The following NTM variants were observed in gnomAD, a reference collection of about 807,000 sequenced individuals.
NTM encodes the protein IgLON family member 2.
NTM carries 13 observed loss-of-function variants against 42.1 expected under a neutral mutation model. The ratio of observed to expected loss-of-function variants is 0.31; its 90% CI spans 0.20 to 0.49. The LOEUF (loss-of-function observed/expected upper bound fraction) is 0.49, where lower values mean the gene tolerates loss of function less well. Among genes scored for constraint, NTM ranks in the 20% least tolerant of loss-of-function variants. The pLI, the probability that NTM is intolerant of heterozygous loss-of-function variation, is 0.99. For missense variants in NTM, 373 were observed against 452.8 expected (o/e 0.82, Z 1.60); for synonymous variants, 187 against 179.2 (o/e 1.04, Z -0.35).
chr11:131,745,288 A>AT (rs2081673853), intron 1 of NTM, among the ~76,000 whole-genome samples: 1 of 152,216 alleles, frequency 6.6e-6, no homozygotes, highest in African/African-American at 2.4e-5. Flanking sequence ...AGGAGGTGCC[A>AT]TTCAGGGAGG....
chr11:132,212,910 C>A (rs995766515), intron 4 of NTM, among the ~76,000 whole-genome samples: 2 of 151,278 alleles, frequency 1.3e-5, no homozygotes, highest in Non-Finnish European at 2.9e-5. Flanking sequence ...TAAGCCAAAG[C>A]GGTGAAGTTT....
At chr11:132,211,902 T>C (rs1284671860) in intron 3 of NTM, 120 bp from the exon 4 acceptor site, 13 of 851,204 alleles carry the variant, frequency 1.5e-5, no homozygotes, top group Non-Finnish European at 2.2e-5. Context: ...TAATTTCTTA[T>C]CGTTAACTTA....
At chr11:131,810,002 T>C (rs187408713) in intron 1 of NTM, among the ~76,000 whole-genome samples, 1 of 152,336 alleles carries the variant, frequency 6.6e-6, no homozygotes, top group East Asian at 1.9e-4. Context: ...AAATTAAAAC[T>C]CCCTCCAGAT....
chr11:132,029,531 C>A (rs1034386783), intron 2 of NTM, among the ~76,000 whole-genome samples: 5 of 151,976 alleles, frequency 3.3e-5, no homozygotes, highest in African/African-American at 4.8e-5. Flanking sequence ...TCAGCTTTTT[C>A]CTTTTCATGT....
chr11:132,290,821 A>G (rs2139997349), intron 4 of NTM, among the ~76,000 whole-genome samples: 1 of 152,334 alleles, frequency 6.6e-6, no homozygotes, highest in Non-Finnish European at 1.5e-5. Flanking sequence ...CAGAGGTTAC[A>G]GAAGGATTCT....
chr11:131,549,832 C>T (rs1398459925), intron 1 of NTM, among the ~76,000 whole-genome samples: 2 of 152,218 alleles, frequency 1.3e-5, no homozygotes, highest in African/African-American at 4.8e-5. Context: ...AATTCTGCCC[C>T]AAAGATGATT....
intron 1 of NTM, among the ~76,000 whole-genome samples, chr11:131,637,944 T>C (rs1417940764): frequency 6.6e-6 from 1 of 152,200 alleles, no homozygotes; most frequent in African/African-American, 2.4e-5. Flanking sequence ...TCAGTTTCTC[T>C]GTGGACTGAT....
At chr11:131,696,036 A>G (rs958255284) in intron 1 of NTM, among the ~76,000 whole-genome samples, 27 of 152,224 alleles carry the variant, frequency 1.8e-4, no homozygotes, top group Non-Finnish European at 2.9e-5. Context: ...ATTGCAAACA[A>G]CTAGCCTCTC....
intron 2 of NTM, among the ~76,000 whole-genome samples, chr11:132,063,394 C>G (rs2080978348): frequency 6.6e-6 from 1 of 152,170 alleles, no homozygotes; most frequent in African/African-American, 2.4e-5. Flanking sequence ...GTGTGATAAT[C>G]CCACAAAGCT....
chr11:131,510,774 G>T (rs1565582538), intron 1 of NTM, among the ~76,000 whole-genome samples: 2 of 152,160 alleles, frequency 1.3e-5, no homozygotes. Context: ...TGCAGTCAAG[G>T]TTTGTGCCCC....
In NTM at chr11:131,421,732, C is replaced by T. The variant is rs139826521; in HGVS notation, c.82+50844C>T. Among the ~76,000 whole-genome samples the T allele has an allele frequency of 8.5e-5, 13 of 152,298 alleles. No individual in the cohort carries two copies. In the East Asian group the frequency reaches 2.5e-3, roughly 29 times the overall value. ...TTAAACAAAGCAACTGCTGACTAAC[C>T]TACATATCTTTATTAAGAACTACCC... On this transcript the variant is annotated intron_variant, in intron 1 of 8. Transcript: ENST00000683400.
At chr11:131,612,821 G>A (rs1279972150) in intron 1 of NTM, among the ~76,000 whole-genome samples, 1 of 152,192 alleles carries the variant, frequency 6.6e-6, no homozygotes, top group Non-Finnish European at 1.5e-5. Flanking sequence ...TGAGTCTCTG[G>A]GCACTGAACA....
At chr11:131,721,765 G>A (rs2078358639) in intron 1 of NTM, among the ~76,000 whole-genome samples, 1 of 152,094 alleles carries the variant, frequency 6.6e-6, no homozygotes, top group African/African-American at 2.4e-5. Flanking sequence ...CGGAGGTCAA[G>A]GTGGGAGGAT....
intron 1 of NTM, among the ~76,000 whole-genome samples, chr11:131,801,101 C>A (rs192105360): frequency 1.1e-3 from 160 of 152,276 alleles, no homozygotes; most frequent in African/African-American, 3.7e-3. Context: ...AAGATTAGCA[C>A]TTTTACACAA....
chr11:131,758,989 A>G (rs1278621506), intron 1 of NTM, among the ~76,000 whole-genome samples: 3 of 152,188 alleles, frequency 2.0e-5, no homozygotes, highest in Non-Finnish European at 4.4e-5. Context: ...TTACTAAGAG[A>G]AGGAACCACC....
intron 2 of NTM, among the ~76,000 whole-genome samples, chr11:131,978,034 G>A (rs1179646855): frequency 1.3e-5 from 2 of 152,188 alleles, no homozygotes; most frequent in Non-Finnish European, 2.9e-5. Flanking sequence ...TTCATGGTCA[G>A]AAGAAGGCTC....
At chr11:132,318,481 C>T (rs1401979531) in intron 7 of NTM, among the ~76,000 whole-genome samples, 1 of 152,126 alleles carries the variant, frequency 6.6e-6, no homozygotes, top group Non-Finnish European at 1.5e-5. Context: ...CTCCACAGTC[C>T]CTTTACATCC....
intron 1 of NTM, among the ~76,000 whole-genome samples, chr11:131,721,585 T>C (rs1293404189): frequency 6.6e-6 from 1 of 152,174 alleles, no homozygotes; most frequent in Non-Finnish European, 1.5e-5. Flanking sequence ...CACGTCCATC[T>C]ACCAGACTTG....
chr11:131,414,369 T>G (rs1946733461), intron 1 of NTM, among the ~76,000 whole-genome samples: 1 of 152,202 alleles, frequency 6.6e-6, no homozygotes, highest in Non-Finnish European at 1.5e-5. Context: ...TGCCCATTGC[T>G]GAGCTTACAC....
Sources: allele counts gnomAD v4.1 joint callset (sites outside exome capture counted in the v4.1 genomes callset), GRCh38; gene constraint gnomAD v4.1.1; transcripts MANE v1.5; gene names NCBI Gene and HGNC (gene_info 2026-07-23, HGNC 2026-07-21).